The following SNX15 variants were observed in gnomAD, a reference collection of about 807,000 sequenced individuals.
SNX15 encodes sorting nexin 15.
SNX15 carries 29 observed loss-of-function variants against 35.2 expected under a neutral mutation model. The ratio of observed to expected loss-of-function variants is 0.82; its 90% CI spans 0.61 to 1.12. The LOEUF is 1.12. SNX15 is among the 50% of genes most tolerant of loss of function. The pLI, the probability that SNX15 is intolerant of heterozygous loss-of-function variation, is 0.00. For synonymous variants in SNX15, 189 were observed against 188.2 expected, an observed-to-expected ratio of 1.00 and a Z score of -0.03; for missense variants, 400 against 451.5, an observed-to-expected ratio of 0.89 and a Z score of 1.03.
chr11:65,027,530 T>C lies in SNX15; in HGVS notation c.-8T>C. On this transcript the variant is annotated 5_prime_UTR_variant, in exon 1 of 8. Coordinates refer to ENST00000377244, the MANE Select transcript of SNX15 (RefSeq NM_013306.5). ...GGCCGGCGCTCCGCTCCGCTCCAGC[T>C]CGGTTTCATGTCCCGCCAGGCGAAG... 1 of 1,613,080 alleles carries C rather than the reference T, an allele frequency of 6.2e-7. No homozygotes were observed. Among genetic ancestry groups the C allele is most frequent in the Non-Finnish European group, 8.5e-7 (1 of 1,179,432 alleles).
chr11:65,036,639 A>C (rs899018073), intron 6 of SNX15: 4 of 148,470 alleles, frequency 2.7e-5, no homozygotes, highest in African/African-American at 1.0e-4. Context: ...AGCCTCTGAA[A>C]GTGCTGGGAT....
At chr11:65,030,247 C>G (rs1172616911) in intron 1 of SNX15, among the ~76,000 whole-genome samples, 1 of 151,154 alleles carries the variant, frequency 6.6e-6, no homozygotes. Context: ...CCCAGCTACT[C>G]GGGAGGCTGA....
Position 65,027,684 on chromosome 11 carries a change from C to A in SNX15, c.99+48C>A, listed in dbSNP as rs762867706. 2.2e-6 allele frequency: 3 copies of A among 1,374,580 alleles called. No individual in the cohort carries two copies. The East Asian group carries it at 6.9e-5, about 32-fold the overall frequency. The allele number at this position is 1,374,580 out of a possible 1,614,324, so 85.1% of individuals were successfully genotyped here. A position where few individuals can be genotyped will look rare whatever the true frequency, so the allele number is the denominator to read the frequency against. ...CTTTACCCTTTTAACTAGAGGGGCG[C>A]CGAGTTTTACCTTAAGGAAAGGCGG... On this transcript the variant is annotated intron_variant, in intron 1 of 7. Coordinates refer to ENST00000377244, the MANE Select transcript of SNX15 (RefSeq NM_013306.5).
intron 6 of SNX15, chr11:65,035,869 TG>T (rs1158194955): frequency 8.6e-6 from 4 of 462,870 alleles, no homozygotes; most frequent in Non-Finnish European, 1.5e-5. Context: ...TGGATGCACC[TG>T]TGCAACAAAT....
chr11:65,039,678 C>T lies in SNX15; in HGVS notation c.923-8C>T, dbSNP rs1376672848. ...CAGGTGCCTCAGCTGAGCATTCTCTCTCCACAGGTGACCCGTTGCCTGCCC... is the reference window on the plus strand; with the variant it reads ...CAGGTGCCTCAGCTGAGCATTCTCTTTCCACAGGTGACCCGTTGCCTGCCC... On this transcript the variant is annotated splice_polypyrimidine_tract_variant and splice_region_variant and intron_variant, in intron 7 of 7. Transcript: ENST00000377244. 3 of 1,607,020 alleles carry T rather than the reference C, an allele frequency of 1.9e-6. No homozygotes were observed. Among genetic ancestry groups the T allele is most frequent in the African/African-American group, 1.3e-5 (1 of 74,796 alleles).
intron 7 of SNX15, among the ~76,000 whole-genome samples, chr11:65,039,220 TA>T (rs1394760441): frequency 6.7e-6 from 1 of 148,784 alleles, no homozygotes; most frequent in Non-Finnish European, 1.5e-5. Context: ...TATTTATTTT[TA>T]TTTATTTATT....
chr11:65,037,984 A>C (rs1019646854), intron 6 of SNX15: 4 of 152,120 alleles, frequency 2.6e-5, no homozygotes, highest in African/African-American at 9.7e-5. Context: ...GGTGCACCAG[A>C]TTTCCAGTCG....
In SNX15 at chr11:65,038,785, A is replaced by G; in HGVS notation, c.878A>G (p.Gln293Arg). ...GCAGGCGCTTACGCTGCTGCACTCC[A>G]GGGCTATCGAGACGGCGTGCACGTC... Reference protein sequence around the residue: ...EKAGAYAAALQGYRDGVHVLL... With the variant: ...EKAGAYAAALRGYRDGVHVLL... The change falls in exon 7 of 8, where the codon CAG (glutamine) becomes CGG (arginine). Residue 293 changes from glutamine (Q) to arginine (R), a missense_variant. Transcript: ENST00000377244. 1 of 1,598,620 alleles carries G rather than the reference A, an allele frequency of 6.3e-7. No homozygotes were observed. Among genetic ancestry groups the G allele is most frequent in the Non-Finnish European group, 8.5e-7 (1 of 1,173,102 alleles).
intron 1 of SNX15, among the ~76,000 whole-genome samples, chr11:65,028,094 C>G (rs1946395193): frequency 1.3e-5 from 2 of 152,050 alleles, no homozygotes. Flanking sequence ...AAAATTGATG[C>G]AGTTCAGAAG....
At chr11:65,035,348 G>C (rs1946489321) in intron 5 of SNX15, 142 bp downstream of exon 5, 1 of 1,239,970 alleles carries the variant, frequency 8.1e-7, no homozygotes, top group Admixed American at 2.4e-5. Flanking sequence ...CTTTGGGCAG[G>C]TCCTTTTCCT....
Position 65,039,997 on chromosome 11 carries a change from G to A in SNX15, c.*205G>A. 1 of 490,648 alleles carries A rather than the reference G, an allele frequency of 2.0e-6. No homozygotes were observed. Among genetic ancestry groups the A allele is most frequent in the South Asian group, 3.1e-5 (1 of 32,630 alleles). 30.4% of individuals were successfully genotyped at this position (490,648 alleles called of 1,614,324 possible). On this transcript the variant is annotated 3_prime_UTR_variant, in exon 8 of 8. Coordinates refer to ENST00000377244, the MANE Select transcript of SNX15 (RefSeq NM_013306.5). ...ATCAAGGACTCACACTTCTGACCCT[G>A]CCTGTCTTTTTGGGGTTTTTTTGAG...
Position 65,032,558 on chromosome 11 carries a change from G to T in SNX15, c.256+7G>T. 4 of 1,614,058 alleles carry T rather than the reference G, an allele frequency of 2.5e-6. No homozygotes were observed. Among genetic ancestry groups the T allele is most frequent in the Non-Finnish European group, 3.4e-6 (4 of 1,180,014 alleles). On this transcript the variant is annotated splice_region_variant and intron_variant, in intron 3 of 7. Transcript: ENST00000377244. ...CCCCGGGCCCAGGTGTTTGGTGAGT[G>T]TTAGATTGGGGCACTCGGGCCAAAG...
At chr11:65,034,782 C>A in intron 3 of SNX15, 65 bp from the exon 4 acceptor site, 1 of 1,277,114 alleles carries the variant, frequency 7.8e-7, no homozygotes, top group Non-Finnish European at 1.1e-6. Flanking sequence ...GGAAAAGTGG[C>A]CTTGGGGCAG....
chr11:65,027,746 GTTTCCCCTT>G (rs1946390327), intron 1 of SNX15, 110 bp downstream of exon 1: 2 of 806,786 alleles, frequency 2.5e-6, no homozygotes, highest in Non-Finnish European at 4.2e-6. Context: ...ACAGAAATGG[GTTTCCCCTT>G]TAAGGGGAGG....
At chr11:65,033,998 G>A (rs768997057) in intron 3 of SNX15, among the ~76,000 whole-genome samples, 1 of 151,920 alleles carries the variant, frequency 6.6e-6, no homozygotes, top group Non-Finnish European at 1.5e-5. Flanking sequence ...GTGAGCCACC[G>A]CACCTGGCCG....
rs141762341 is a variant in SNX15 at position 65,035,610 on chromosome 11, G to A, written c.611G>A (p.Arg204Gln). 1.6e-4 allele frequency: 257 copies of A among 1,613,908 alleles called. No individual in the cohort carries two copies. The African/African-American group carries it at 1.9e-3, about 12-fold the overall frequency. Residue 204 changes from arginine (R) to glutamine (Q), a missense_variant, in exon 6 of 8, where the codon CGA becomes CAA. Transcript: ENST00000377244. ...STEEASGSPA[R>Q]GPLTEAELAL... Reference sequence around the variant, plus strand: ...GAGGAGGCATCTGGTTCCCCTGCCCGAGGCCCCCTCACCGAGGCTGAGCTT... The same window carrying A: ...GAGGAGGCATCTGGTTCCCCTGCCCAAGGCCCCCTCACCGAGGCTGAGCTT...
At position 65,035,083 on chromosome 11, in the gene SNX15, G is replaced by C. The variant is rs868266366; in HGVS notation, c.397G>C (p.Glu133Gln). 1.9e-6 allele frequency: 3 copies of C among 1,613,134 alleles called. No individual in the cohort carries two copies. Among genetic ancestry groups the C allele is most frequent in the Non-Finnish European group, 2.5e-6 (3 of 1,179,774 alleles). Residue 133 changes from glutamate (E) to glutamine (Q), a missense_variant, in exon 5 of 8, where the codon GAG becomes CAG. Physicochemically the swap from Glu to Gln is conservative, Grantham distance 29. Transcript: ENST00000377244. ...GGGTGGGGAGGTGACCCGACCCTTG[G>C]AGGTGTCCAGGGACCTACACATCCT... ...FRGGEVTRPL[E>Q]VSRDLHILPP...
rs774772972 is a variant in SNX15 at position 65,038,748 on chromosome 11, C to T, written c.841C>T (p.Arg281Trp). Residue 281 changes from arginine (R) to tryptophan (W), a missense_variant, in exon 7 of 8, where the codon CGG becomes TGG. Coordinates refer to ENST00000377244, the MANE Select transcript of SNX15 (RefSeq NM_013306.5). Reference sequence around the variant, plus strand: ...CACAGAGCTCATCACCCAGGCCCTGCGGGATGAGAAGGCAGGCGCTTACGC... The same window carrying T: ...CACAGAGCTCATCACCCAGGCCCTGTGGGATGAGAAGGCAGGCGCTTACGC... ...QATELITQAL[R>W]DEKAGAYAAA... The T allele has an allele frequency of 2.8e-5, 45 of 1,601,722 alleles. No individual in the cohort carries two copies. Among genetic ancestry groups the T allele is most frequent in the Admixed American group, 5.3e-5 (3 of 57,050 alleles).
intron 7 of SNX15, among the ~76,000 whole-genome samples, chr11:65,039,087 A>T: frequency 8.7e-6 from 1 of 114,626 alleles, no homozygotes. Context: ...TGGAGTGCAC[A>T]ATCTCGGCTC....
Sources: gnomAD v4.1 joint callset for allele counts (sites outside exome capture counted in the v4.1 genomes callset) on GRCh38, gnomAD v4.1.1 for gene constraint, MANE v1.5 for transcripts, NCBI Gene and HGNC (gene_info 2026-07-23, HGNC 2026-07-21) for gene names.